RAB32: variants seen among roughly 807,000 people sequenced by gnomAD.
RAB32 encodes the protein RAB32, member RAS oncogene family, also known as ras-related protein Rab-32.
Under a neutral mutation model 17.5 loss-of-function variants are expected in RAB32, and 17 were observed. The ratio of observed to expected loss-of-function variants is 0.97; its 90% CI spans 0.67 to 1.46. The LOEUF (loss-of-function observed/expected upper bound fraction) is 1.46. Among genes scored for constraint, RAB32 ranks in the 40% most tolerant of loss-of-function variants. The pLI is 0.00. For missense variants in RAB32, 288 were observed against 284.3 expected (o/e 1.01, Z -0.09); for synonymous variants, 115 against 111.1 (o/e 1.04, Z -0.22).
In RAB32 at chr6:146,549,509, C is replaced by T. The variant is rs760772980; in HGVS notation, c.296C>T (p.Ala99Val). Reference sequence around the variant, plus strand: ...ATGACCCGAGTATACTACAAGGAAGCTGTTGGTGCTTTTGTAGTCTTTGAT... The same window carrying T: ...ATGACCCGAGTATACTACAAGGAAGTTGTTGGTGCTTTTGTAGTCTTTGAT... Reference protein sequence around the residue: ...GNMTRVYYKEAVGAFVVFDIS... With the variant: ...GNMTRVYYKEVVGAFVVFDIS... The change falls in exon 2 of 3, where the codon GCT (alanine) becomes GTT (valine). Residue 99 changes from alanine to valine, a missense_variant. Transcript: ENST00000367495. The T allele has an allele frequency of 6.2e-7, 1 of 1,614,052 alleles. No individual in the cohort carries two copies. Among genetic ancestry groups the T allele is most frequent in the African/African-American group, 1.3e-5 (1 of 75,022 alleles).
At chr6:146,553,408 C>T (rs1779919140) in intron 2 of RAB32, among the ~76,000 whole-genome samples, 1 of 152,146 alleles carries the variant, frequency 6.6e-6, no homozygotes, top group South Asian at 2.1e-4. Context: ...GTGCAGGGTA[C>T]ATCACTTGTG....
At chr6:146,549,415 A>T in intron 1 of RAB32, 49 bp from the exon 2 acceptor site, 1 of 1,515,738 alleles carries the variant, frequency 6.6e-7, no homozygotes, top group Non-Finnish European at 9.0e-7. Flanking sequence ...CTAAATGTAG[A>T]CTCTGTCTGA....
chr6:146,553,115 G>A (rs1267455137), intron 2 of RAB32, among the ~76,000 whole-genome samples: 2 of 151,920 alleles, frequency 1.3e-5, no homozygotes, highest in East Asian at 1.9e-4. Flanking sequence ...TGTGCACAAC[G>A]TGCAGGTTAG....
intron 1 of RAB32, among the ~76,000 whole-genome samples, chr6:146,548,613 G>A (rs1444130285): frequency 6.6e-6 from 1 of 152,180 alleles, no homozygotes; most frequent in Non-Finnish European, 1.5e-5. Flanking sequence ...GGAGTCAGAA[G>A]ACCTGGATTC....
chr6:146,552,874 T>A (rs759311872), intron 2 of RAB32, among the ~76,000 whole-genome samples: 2 of 152,128 alleles, frequency 1.3e-5, no homozygotes, highest in Non-Finnish European at 2.9e-5. Flanking sequence ...AGGAAATGCT[T>A]ACAAAATGAT....
chr6:146,554,620 T>A lies in RAB32; in HGVS notation c.*15T>A, dbSNP rs772642993. ...AGTGTTGCTGATATATGGCTTCTGC[T>A]TCTCTTGTGTGTGCCTCAGCTCTGA... On this transcript the variant is annotated 3_prime_UTR_variant, in exon 3 of 3. Transcript: ENST00000367495. 12 of 1,604,424 alleles carry A rather than the reference T, an allele frequency of 7.5e-6. No individual in the cohort carries two copies. Among genetic ancestry groups the A allele is most frequent in the Non-Finnish European group, 8.5e-6 (10 of 1,176,356 alleles).
chr6:146,554,540 G>T lies in RAB32; in HGVS notation c.613G>T (p.Asp205Tyr), dbSNP rs751404303. ...NHQSFPNEEN[D>Y]VDKIKLDQET... is the part of the protein sequence containing the mutation. ...CCAAAGCTTTCCTAATGAAGAAAAC[G>T]ATGTGGACAAAATTAAGCTAGATCA... is the stretch of plus-strand genomic sequence containing the variant. The change falls in exon 3 of 3, where the codon GAT becomes TAT. Residue 205 changes from aspartate (D) to tyrosine (Y), a missense_variant. Transcript: ENST00000367495. The T allele has an allele frequency of 1.9e-6, 3 of 1,613,740 alleles. No homozygotes were observed. Among genetic ancestry groups the T allele is most frequent in the African/African-American group, 2.7e-5 (2 of 74,898 alleles).
intron 1 of RAB32, among the ~76,000 whole-genome samples, chr6:146,546,806 G>A (rs1438813612): frequency 9.4e-6 from 1 of 106,616 alleles, no homozygotes; most frequent in African/African-American, 6.0e-5. Context: ...TTTTTTTTTG[G>A]TTGCTTCAGT....
At chr6:146,546,987 C>A (rs901584225) in intron 1 of RAB32, among the ~76,000 whole-genome samples, 3 of 152,012 alleles carry the variant, frequency 2.0e-5, no homozygotes, top group Non-Finnish European at 4.4e-5. Context: ...TCTGTTCTTA[C>A]GGCATTGAAG....
intron 1 of RAB32, among the ~76,000 whole-genome samples, chr6:146,546,115 T>G (rs902948957): frequency 2.0e-5 from 3 of 152,124 alleles, no homozygotes; most frequent in African/African-American, 7.2e-5. Flanking sequence ...CAGGAAGGGG[T>G]CATATCTAGT....
At chr6:146,547,896 A>G (rs762974074) in intron 1 of RAB32, among the ~76,000 whole-genome samples, 30 of 152,054 alleles carry the variant, frequency 2.0e-4, no homozygotes, top group Admixed American at 6.5e-4. Context: ...TACTTTTTCA[A>G]TTTCCTAATT....
intron 2 of RAB32, among the ~76,000 whole-genome samples, chr6:146,550,107 C>T (rs1232905939): frequency 6.6e-6 from 1 of 152,072 alleles, no homozygotes; most frequent in East Asian, 1.9e-4. Flanking sequence ...AGGAAGATGC[C>T]TCTGGTGAAG....
intron 2 of RAB32, among the ~76,000 whole-genome samples, chr6:146,553,306 A>G (rs1028308692): frequency 4.6e-5 from 7 of 152,340 alleles, no homozygotes; most frequent in African/African-American, 1.7e-4. Context: ...GGATATTTAC[A>G]TATTTGCACT....
At chr6:146,549,960 G>T (rs1485809179) in intron 2 of RAB32, among the ~76,000 whole-genome samples, 2 of 152,196 alleles carry the variant, frequency 1.3e-5, no homozygotes, top group African/African-American at 2.4e-5. Flanking sequence ...AAAACAAAAA[G>T]AATTATTTAG....
chr6:146,544,259 C>T, intron 1 of RAB32, 138 bp downstream of exon 1: 1 of 1,189,792 alleles, frequency 8.4e-7, no homozygotes, highest in Non-Finnish European at 1.1e-6. Flanking sequence ...AATCCAAGGG[C>T]GAGATGCGAT....
chr6:146,545,861 T>C (rs985759621), intron 1 of RAB32, among the ~76,000 whole-genome samples: 8 of 152,200 alleles, frequency 5.3e-5, no homozygotes, highest in African/African-American at 1.9e-4. Flanking sequence ...TAGCTGAGGT[T>C]TTTCACAAAG....
Position 146,554,689 on chromosome 6 carries a change from G to A in RAB32, c.*84G>A. On this transcript the variant is annotated 3_prime_UTR_variant, in exon 3 of 3. Transcript: ENST00000367495. Reference sequence around the variant, plus strand: ...GTTACAGATGTCATGTTAGCTGGGAGTCTTCCCACATGTGGCACTTCAAAA... The same window carrying A: ...GTTACAGATGTCATGTTAGCTGGGAATCTTCCCACATGTGGCACTTCAAAA... The A allele has an allele frequency of 6.9e-7, 1 of 1,454,682 alleles. No homozygotes were observed. The highest frequency in any genetic ancestry group is 9.2e-7 in the Non-Finnish European group (1 of 1,083,050). The allele number at this position is 1,454,682 out of a possible 1,614,324, so 90.1% of individuals were successfully genotyped here.
chr6:146,546,828 G>A (rs928050848), intron 1 of RAB32, among the ~76,000 whole-genome samples: 4 of 146,926 alleles, frequency 2.7e-5, no homozygotes, highest in Non-Finnish European at 3.0e-5. Context: ...AGAGGGCGAG[G>A]TAGTGAAGAA....
Position 146,544,016 on chromosome 6 carries a change from C to G in RAB32, c.145C>G (p.Leu49Val), listed in dbSNP as rs781587946. 1.2e-6 allele frequency: 2 copies of G among 1,613,932 alleles called. No individual in the cohort carries two copies. Among genetic ancestry groups the G allele is most frequent in the Non-Finnish European group, 1.7e-6 (2 of 1,179,968 alleles). The change falls in exon 1 of 3, where the codon CTC becomes GTC. Residue 49 changes from leucine (L) to valine (V), a missense_variant. Transcript: ENST00000367495. The stretch of plus-strand genomic sequence containing the variant: ...CATCATCAAGCGCTACGTCCACCAG[C>G]TCTTCTCCCAGCACTACCGGGCCAC... The part of the protein sequence containing the change: ...TSIIKRYVHQ[L>V]FSQHYRATIG...
Sources: allele counts gnomAD v4.1 joint callset (sites outside exome capture counted in the v4.1 genomes callset), GRCh38; gene constraint gnomAD v4.1.1; transcripts MANE v1.5; gene names NCBI Gene and HGNC (gene_info 2026-07-23, HGNC 2026-07-21).